DNAH11: variants seen among roughly 807,000 people sequenced by gnomAD.
DNAH11 encodes the protein dynein axonemal heavy chain 11.
A neutral mutation model predicts 526.0 loss-of-function variants in DNAH11; 442 were observed. The observed-to-expected ratio is 0.84, with a 90% CI of 0.78 to 0.91. The LOEUF (loss-of-function observed/expected upper bound fraction) is 0.91, where lower values mean the gene tolerates loss of function less well. Ranked by LOEUF, DNAH11 falls within the 40% of genes least tolerant of loss-of-function variation. DNAH11 has a pLI of 0.00. For missense variants in DNAH11, 6,989 were observed against 5,448.7 expected, an observed-to-expected ratio of 1.28 and a Z score of -8.90; for synonymous variants, 2,461 against 1,935.9, an observed-to-expected ratio of 1.27 and a Z score of -7.12.
intron 8 of DNAH11, among the ~76,000 whole-genome samples, chr7:21,578,901 C>G (rs1287536833): frequency 6.6e-6 from 1 of 152,212 alleles, no homozygotes; most frequent in Non-Finnish European, 1.5e-5. Context: ...TCTTGCCTGT[C>G]TCTCCAACTC....
chr7:21,899,532 T>C, intron 80 of DNAH11, 84 bp downstream of exon 80: 1 of 1,077,846 alleles, frequency 9.3e-7, no homozygotes, highest in Non-Finnish European at 1.4e-6. Flanking sequence ...TATGATGGCG[T>C]CTCCTTGCCC....
At position 21,892,593 on chromosome 7, in the gene DNAH11, T is replaced by C. The variant is rs771461584; in HGVS notation, c.12676T>C (p.Phe4226Leu). The C allele has an allele frequency of 3.1e-6, 5 of 1,613,964 alleles. No homozygotes were observed. Among genetic ancestry groups the C allele is most frequent in the Middle Eastern group, 1.6e-4 (1 of 6,062 alleles). Residue 4226 changes from phenylalanine to leucine, a missense_variant, in exon 77 of 82, where the codon TTC becomes CTC. Physicochemically the swap from Phe to Leu is conservative, Grantham distance 22. Coordinates refer to ENST00000409508, the MANE Select transcript of DNAH11 (RefSeq NM_001277115.2). ...EFLTVTSNTL[F>L]RTLLEMQPRN... ...CCTGACAGTGACATCCAACACTCTC[T>C]TCAGAACTTTGCTGGAGATGCAGCC...
chr7:21,717,753 G>A (rs1318198368), intron 42 of DNAH11, 22 bp from the exon 43 acceptor site: 1 of 1,613,020 alleles, frequency 6.2e-7, no homozygotes, highest in Admixed American at 1.7e-5. Flanking sequence ...TTCAATAAAA[G>A]CTTTTCTGTG....
chr7:21,803,359 C>T (rs1789082144), intron 62 of DNAH11, among the ~76,000 whole-genome samples: 1 of 152,152 alleles, frequency 6.6e-6, no homozygotes, highest in South Asian at 2.1e-4. Flanking sequence ...TTGCCCTCTG[C>T]CTCTCCACGC....
At chr7:21,741,529 C>A (rs1785897517) in intron 48 of DNAH11, among the ~76,000 whole-genome samples, 1 of 152,210 alleles carries the variant, frequency 6.6e-6, no homozygotes, top group South Asian at 2.1e-4. Flanking sequence ...TCAGCTGAGA[C>A]TGAGCTCAGT....
intron 30 of DNAH11, among the ~76,000 whole-genome samples, chr7:21,676,167 C>T (rs1371749121): frequency 6.6e-6 from 1 of 152,152 alleles, no homozygotes; most frequent in East Asian, 1.9e-4. Context: ...GGGCTTATTT[C>T]TAGTTCAAGA....
At chr7:21,579,287 T>G (rs1047336444) in intron 8 of DNAH11, among the ~76,000 whole-genome samples, 2 of 152,244 alleles carry the variant, frequency 1.3e-5, no homozygotes, top group East Asian at 3.8e-4. Flanking sequence ...CTGTAATATA[T>G]ATTTATTGAG....
intron 30 of DNAH11, among the ~76,000 whole-genome samples, chr7:21,681,152 C>G (rs920659686): frequency 1.3e-5 from 2 of 152,024 alleles, no homozygotes; most frequent in African/African-American, 4.8e-5. Flanking sequence ...TGTGGCCAGG[C>G]GTGGTGGCTC....
chr7:21,743,661 A>T (rs1052972641), intron 49 of DNAH11, among the ~76,000 whole-genome samples: 2 of 152,182 alleles, frequency 1.3e-5, no homozygotes, highest in African/African-American at 4.8e-5. Context: ...GTGTCTGTGT[A>T]TCTAGCTCCT....
chr7:21,837,850 A>G (rs763802611), intron 65 of DNAH11, among the ~76,000 whole-genome samples: 3 of 152,200 alleles, frequency 2.0e-5, no homozygotes, highest in Non-Finnish European at 4.4e-5. Context: ...TATTCCCACC[A>G]CAAAGAAATG....
At position 21,901,438 on chromosome 7, in the gene DNAH11, G is replaced by C; in HGVS notation, c.*184G>C. On this transcript the variant is annotated 3_prime_UTR_variant, in exon 82 of 82. Coordinates refer to ENST00000409508, the MANE Select transcript of DNAH11 (RefSeq NM_001277115.2). ...TAGAAACTAACTCAGGGCTGAGCGT[G>C]GTGGCACACGACTGTAATCCCAGTT... 3 of 791,358 alleles carry C rather than the reference G, an allele frequency of 3.8e-6. No homozygotes were observed. The highest frequency in any genetic ancestry group is 5.3e-6 in the Non-Finnish European group (3 of 570,312). 49.0% of individuals were successfully genotyped at this position (791,358 alleles called of 1,614,324 possible).
intron 41 of DNAH11, among the ~76,000 whole-genome samples, chr7:21,711,016 G>T (rs1784446240): frequency 6.6e-6 from 1 of 152,120 alleles, no homozygotes; most frequent in Non-Finnish European, 1.5e-5. Flanking sequence ...TGTCATCTTT[G>T]ATTAAGTATA....
At chr7:21,554,360 A>G (rs1783139829) in intron 2 of DNAH11, among the ~76,000 whole-genome samples, 1 of 151,704 alleles carries the variant, frequency 6.6e-6, no homozygotes, top group Non-Finnish European at 1.5e-5. Flanking sequence ...TTTTTAGTAG[A>G]GATGAGGTTT....
chr7:21,582,089 G>A, intron 9 of DNAH11, 68 bp downstream of exon 9: 3 of 994,088 alleles, frequency 3.0e-6, no homozygotes, highest in Admixed American at 1.8e-5. Flanking sequence ...AATGAAAGGG[G>A]TGAATTCTCA....
chr7:21,803,931 G>A (rs1037966877), intron 62 of DNAH11, among the ~76,000 whole-genome samples: 1 of 152,138 alleles, frequency 6.6e-6, no homozygotes, highest in African/African-American at 2.4e-5. Flanking sequence ...GTGGGGAATG[G>A]GGCTGTCATC....
chr7:21,748,330 A>G (rs1419801978), intron 51 of DNAH11, among the ~76,000 whole-genome samples: 1 of 152,136 alleles, frequency 6.6e-6, no homozygotes, highest in East Asian at 1.9e-4. Context: ...CTAAAAATAC[A>G]AAAATCAGCT....
rs900703650 is a variant in DNAH11, at chr7:21,888,002, A to T, written c.12507+3592A>T. ...CACCAAAACAATGACTCGTATTTGTATGTAGATGGTGTACAGGCCAACACT... is the reference window on the plus strand; with the variant it reads ...CACCAAAACAATGACTCGTATTTGTTTGTAGATGGTGTACAGGCCAACACT... On this transcript the variant is annotated intron_variant, in intron 76 of 81. Coordinates refer to ENST00000409508, the MANE Select transcript of DNAH11 (RefSeq NM_001277115.2). 1.3e-5 allele frequency among the ~76,000 whole-genome samples: 2 copies of T among 152,154 alleles called. 1 individual carries two copies. Among genetic ancestry groups the T allele is most frequent in the Admixed American group, 1.3e-4 (2 of 15,278 alleles).
intron 66 of DNAH11, among the ~76,000 whole-genome samples, chr7:21,845,405 G>C (rs2189024): frequency 0.72 from 109,332 of 151,852 alleles, 39,655 homozygotes; most frequent in African/African-American, 0.76. Flanking sequence ...AAGTAGGGGT[G>C]CACCTTCATT....
At chr7:21,848,590 C>A (rs1002782159) in intron 66 of DNAH11, among the ~76,000 whole-genome samples, 2 of 151,920 alleles carry the variant, frequency 1.3e-5, no homozygotes, top group Middle Eastern at 3.4e-3. Flanking sequence ...TGTCTTCTTT[C>A]TTAGCTATAT....
Sources: allele counts gnomAD v4.1 joint callset (sites outside exome capture counted in the v4.1 genomes callset), GRCh38; gene constraint gnomAD v4.1.1; transcripts MANE v1.5; gene names NCBI Gene and HGNC (gene_info 2026-07-23, HGNC 2026-07-21).